The following PLS1 variants were observed in gnomAD, a reference collection of about 807,000 sequenced individuals.
PLS1 encodes plastin 1, also known as plastin-1.
In PLS1, 32 loss-of-function variants were observed where a neutral mutation model predicts 73.7. The observed-to-expected ratio is 0.43, with a 90% CI of 0.33 to 0.58. PLS1 has a LOEUF of 0.58. Among genes scored for constraint, PLS1 ranks in the 20% least tolerant of loss-of-function variants. PLS1 has a pLI of 0.04. For missense variants in PLS1, 633 were observed against 740.5 expected (o/e 0.85, Z 1.68); for synonymous variants, 217 against 261.3 (o/e 0.83, Z 1.63).
At chr3:142,700,353 C>T (rs187671036) in intron 12 of PLS1, among the ~76,000 whole-genome samples, 19 of 151,790 alleles carry the variant, frequency 1.3e-4, no homozygotes, top group African/African-American at 3.9e-4. Flanking sequence ...GATGGAGTCT[C>T]GCTCTGTTGC....
At chr3:142,694,384 A>G in intron 10 of PLS1, 85 bp from the exon 11 acceptor site, 2 of 720,428 alleles carry the variant, frequency 2.8e-6, no homozygotes, top group South Asian at 4.3e-5. Flanking sequence ...AGGTTTGACC[A>G]GTTTGTACCT....
intron 9 of PLS1, among the ~76,000 whole-genome samples, chr3:142,687,074 C>G (rs1315073126): frequency 6.6e-6 from 1 of 152,140 alleles, no homozygotes; most frequent in Non-Finnish European, 1.5e-5. Context: ...TCCTAGGAAT[C>G]TCATTCTTTT....
intron 12 of PLS1, among the ~76,000 whole-genome samples, chr3:142,700,396 A>C (rs895391943): frequency 7.2e-5 from 11 of 151,748 alleles, no homozygotes; most frequent in South Asian, 4.2e-4. Context: ...GATCTCGGCT[A>C]ACTGCAAGCT....
chr3:142,676,783 G>A (rs1228961234), intron 5 of PLS1, among the ~76,000 whole-genome samples: 1 of 152,116 alleles, frequency 6.6e-6, no homozygotes, highest in Non-Finnish European at 1.5e-5. Flanking sequence ...TCATTGTTGT[G>A]TGTACCACAG....
intron 1 of PLS1, among the ~76,000 whole-genome samples, chr3:142,631,757 T>G (rs1314917012): frequency 6.7e-6 from 1 of 149,122 alleles, no homozygotes; most frequent in Non-Finnish European, 1.5e-5. Context: ...ATGTAAAACC[T>G]GAAACTCTTA....
chr3:142,627,417 G>T (rs1345729014), intron 1 of PLS1, among the ~76,000 whole-genome samples: 2 of 152,228 alleles, frequency 1.3e-5, no homozygotes, highest in Middle Eastern at 3.4e-3. Context: ...GGAAATATCT[G>T]TTACATCCAA....
intron 12 of PLS1, among the ~76,000 whole-genome samples, chr3:142,702,152 C>T (rs1263889396): frequency 1.3e-5 from 2 of 152,134 alleles, no homozygotes; most frequent in African/African-American, 2.4e-5. Context: ...GAACTCCTGC[C>T]CTTAAGTGAT....
At chr3:142,664,485 G>GA (rs1157603905) in intron 2 of PLS1, among the ~76,000 whole-genome samples, 178 bp downstream of exon 2, 1 of 152,086 alleles carries the variant, frequency 6.6e-6, no homozygotes, top group East Asian at 1.9e-4. Context: ...CGACTAGCTT[G>GA]AATTTCTAGG....
chr3:142,636,604 G>A (rs1468834597), intron 1 of PLS1, among the ~76,000 whole-genome samples: 2 of 152,198 alleles, frequency 1.3e-5, no homozygotes, highest in African/African-American at 4.8e-5. Context: ...AAAAGTTCTA[G>A]CATTTCAAAT....
intron 11 of PLS1, among the ~76,000 whole-genome samples, chr3:142,696,032 G>A (rs980761309): frequency 1.3e-5 from 2 of 152,196 alleles, no homozygotes; most frequent in African/African-American, 2.4e-5. Flanking sequence ...GACCTCAGGT[G>A]ATCTGCCTGC....
intron 1 of PLS1, among the ~76,000 whole-genome samples, chr3:142,648,153 A>G (rs998037326): frequency 1.3e-5 from 2 of 152,216 alleles, no homozygotes; most frequent in East Asian, 3.9e-4. Flanking sequence ...TCTGTTCTGA[A>G]ATGAAATGAG....
chr3:142,611,718 CAT>C (rs1434482930), intron 1 of PLS1, among the ~76,000 whole-genome samples: 1 of 152,132 alleles, frequency 6.6e-6, no homozygotes, highest in African/African-American at 2.4e-5. Context: ...AGCGCACACA[CAT>C]ATTGCTTTTG....
intron 1 of PLS1, among the ~76,000 whole-genome samples, chr3:142,599,370 C>A (rs1374505265): frequency 6.8e-6 from 1 of 146,692 alleles, no homozygotes; most frequent in Admixed American, 6.8e-5. Context: ...CGCTCTGTCG[C>A]CCAGGCTGGA....
At chr3:142,646,232 A>T (rs2036949784) in intron 1 of PLS1, among the ~76,000 whole-genome samples, 1 of 152,166 alleles carries the variant, frequency 6.6e-6, no homozygotes, top group Non-Finnish European at 1.5e-5. Context: ...GCCTGTTATT[A>T]AAGGGGTAAG....
chr3:142,601,853 A>C (rs2035933461), intron 1 of PLS1, among the ~76,000 whole-genome samples: 1 of 152,150 alleles, frequency 6.6e-6, no homozygotes, highest in South Asian at 2.1e-4. Context: ...TGAGGCTTAG[A>C]GAGATAGATA....
chr3:142,672,436 A>G (rs6791858), intron 4 of PLS1, among the ~76,000 whole-genome samples: 15,729 of 144,096 alleles, frequency 0.11, 2,709 homozygotes, highest in African/African-American at 0.38. Context: ...TCCACTTCCC[A>G]GGTTCACGTC....
intron 1 of PLS1, among the ~76,000 whole-genome samples, chr3:142,654,602 C>G (rs947649041): frequency 1.3e-5 from 2 of 152,184 alleles, no homozygotes; most frequent in Non-Finnish European, 2.9e-5. Context: ...AATCCTCTGG[C>G]CTTGGCCTCC....
intron 1 of PLS1, among the ~76,000 whole-genome samples, chr3:142,616,455 A>G (rs1426178088): frequency 6.6e-6 from 1 of 152,172 alleles, no homozygotes; most frequent in East Asian, 1.9e-4. Context: ...ATTATTGATT[A>G]GATTTTTAGT....
chr3:142,666,902 C>A (rs1353239854), intron 2 of PLS1, among the ~76,000 whole-genome samples: 1 of 152,188 alleles, frequency 6.6e-6, no homozygotes, highest in Admixed American at 6.5e-5. Flanking sequence ...TGTTTAGCAT[C>A]TAATGTGCTT....
Sources: allele counts gnomAD v4.1 joint callset (sites outside exome capture counted in the v4.1 genomes callset), GRCh38; gene constraint gnomAD v4.1.1; transcripts MANE v1.5; gene names NCBI Gene and HGNC (gene_info 2026-07-23, HGNC 2026-07-21).